Variants in BROX observed in about 807,000 individuals in gnomAD.
BROX encodes the protein BRO1 domain and CAAX motif containing.
A neutral mutation model predicts 61.0 loss-of-function variants in BROX; 53 were observed. That is an observed-to-expected ratio of 0.87 (90% confidence interval 0.70 to 1.09). BROX has a LOEUF of 1.09. BROX is among the 50% of genes least tolerant of loss of function. BROX has a pLI of 0.00. For missense variants in BROX, 489 were observed against 472.0 expected, an observed-to-expected ratio of 1.04 and a Z score of -0.33; for synonymous variants, 152 against 160.2, an observed-to-expected ratio of 0.95 and a Z score of 0.38.
Position 222,722,518 on chromosome 1 carries a change from A to G in BROX, c.401+4A>G. The G allele has an allele frequency of 6.4e-7, 1 of 1,570,588 alleles. No homozygotes were observed. Among genetic ancestry groups the G allele is most frequent in the South Asian group, 1.1e-5 (1 of 90,108 alleles). ...CAAGACTGGCTGGAAAAGAAAAGTA[A>G]GTTAATAGGAGAGGATTGTGTACAT... On this transcript the variant is annotated splice_donor_region_variant and intron_variant, in intron 5 of 12. Transcript: ENST00000340934.
Position 222,719,206 on chromosome 1 carries a change from A to T in BROX, c.209-57A>T. 2.9e-6 allele frequency: 4 copies of T among 1,387,456 alleles called. No homozygotes were observed. The South Asian group carries it at 4.9e-5, about 17-fold the overall frequency. The allele number at this position is 1,387,456 out of a possible 1,614,324, so 85.9% of individuals were successfully genotyped here. A position where few individuals can be genotyped will look rare whatever the true frequency, so the allele number is the denominator to read the frequency against. ...TAATCTGAAAATTTTTCCAAACAGA[A>T]CACTCAATATTTCTTCTAATTCTTC... On this transcript the variant is annotated intron_variant, in intron 3 of 12. Coordinates refer to ENST00000340934, the MANE Select transcript of BROX (RefSeq NM_144695.4).
intron 6 of BROX, among the ~76,000 whole-genome samples, chr1:222,724,520 T>C (rs1657354930): frequency 6.6e-6 from 1 of 152,234 alleles, no homozygotes. Flanking sequence ...GTCCTGATTC[T>C]GCAAAACTGA....
At chr1:222,731,577 T>C in intron 12 of BROX, 61 bp downstream of exon 12, 1 of 1,512,738 alleles carries the variant, frequency 6.6e-7, no homozygotes, top group South Asian at 1.2e-5. Context: ...AATTCAGAGT[T>C]AGCATTTTGA....
At chr1:222,721,789 GC>G (rs1656495744) in intron 4 of BROX, among the ~76,000 whole-genome samples, 1 of 151,912 alleles carries the variant, frequency 6.6e-6, no homozygotes, top group South Asian at 2.1e-4. Context: ...CTTGCTTTTT[GC>G]CCTTCTTTTC....
Position 222,733,864 on chromosome 1 carries a change from A to G in BROX, c.*1150A>G, listed in dbSNP as rs1008801004. Reference sequence around the variant, plus strand: ...AAATATTGCATGATGTAAAGAAAAAACTTTAAACTTAAATGAGTAGGTTGT... The same window carrying G: ...AAATATTGCATGATGTAAAGAAAAAGCTTTAAACTTAAATGAGTAGGTTGT... On this transcript the variant is annotated 3_prime_UTR_variant, in exon 13 of 13. Transcript: ENST00000340934. 3 of 152,212 alleles carry G rather than the reference A, an allele frequency of 2.0e-5. No individual in the cohort carries two copies. The highest frequency in any genetic ancestry group is 7.2e-5 in the African/African-American group (3 of 41,448). The allele number at this position is 152,212 out of a possible 1,614,324, so 9.4% of individuals were successfully genotyped here. A position where few individuals can be genotyped will look rare whatever the true frequency, so the allele number is the denominator to read the frequency against.
At chr1:222,722,994 A>C (rs1657211868) in intron 5 of BROX, among the ~76,000 whole-genome samples, 2 of 152,244 alleles carry the variant, frequency 1.3e-5, no homozygotes, top group South Asian at 4.1e-4. Context: ...TTGCAGGATT[A>C]AATAATTATA....
intron 4 of BROX, among the ~76,000 whole-genome samples, chr1:222,721,843 T>A (rs999950807): frequency 6.6e-6 from 1 of 152,176 alleles, no homozygotes; most frequent in Non-Finnish European, 1.5e-5. Context: ...GTCAAGCTCA[T>A]TGGGTCACTT....
rs1001763014 is a variant in BROX at position 222,733,725 on chromosome 1, G to T, written c.*1011G>T. The T allele has an allele frequency of 1.3e-5, 2 of 152,146 alleles. No homozygotes were observed. Among genetic ancestry groups the T allele is most frequent in the Admixed American group, 1.3e-4 (2 of 15,268 alleles). The allele number at this position is 152,146 out of a possible 1,614,324, so 9.4% of individuals were successfully genotyped here. A position where few individuals can be genotyped will look rare whatever the true frequency, so the allele number is the denominator to read the frequency against. On this transcript the variant is annotated 3_prime_UTR_variant, in exon 13 of 13. Transcript: ENST00000340934. ...CATTCAGTATCAGTAACCCTGCAAT[G>T]ATTTTTACAAATATCTTTTTCTAGT... is the stretch of plus-strand genomic sequence containing the variant.
intron 9 of BROX, among the ~76,000 whole-genome samples, chr1:222,729,281 A>G (rs1657757660): frequency 6.6e-6 from 1 of 152,202 alleles, no homozygotes; most frequent in African/African-American, 2.4e-5. Context: ...AGAGATCATC[A>G]GAAACCTTTT....
Position 222,719,363 on chromosome 1 carries a change from A to G in BROX, c.305+4A>G, listed in dbSNP as rs549485014. ...CATTGCAAGGACAGGTTCCAAGGTA[A>G]GCAACACTAAAGTAATACTAAATTG... On this transcript the variant is annotated splice_donor_region_variant and intron_variant, in intron 4 of 12. Transcript: ENST00000340934. 64 of 1,585,372 alleles carry G rather than the reference A, an allele frequency of 4.0e-5. No individual in the cohort carries two copies. Among genetic ancestry groups the G allele is most frequent in the Middle Eastern group, 3.3e-4 (2 of 5,992 alleles).
chr1:222,725,865 C>G (rs1246893987), intron 7 of BROX, among the ~76,000 whole-genome samples: 1 of 152,154 alleles, frequency 6.6e-6, no homozygotes, highest in African/African-American at 2.4e-5. Flanking sequence ...AAGGCAAGAC[C>G]GTGCCACTGC....
At chr1:222,714,829 C>G (rs1262801503) in intron 1 of BROX, among the ~76,000 whole-genome samples, 4 of 152,138 alleles carry the variant, frequency 2.6e-5, no homozygotes, top group Admixed American at 6.5e-5. Context: ...ATCCACCCAC[C>G]TCGGCCTTCC....
rs555221870 is a variant in BROX at position 222,730,012 on chromosome 1, C to T, written c.839-15C>T. The stretch of plus-strand genomic sequence containing the variant: ...TAATTATAATCAAAAGACTTTAAAT[C>T]TCTTTCACATGCAGTGTATGCAAAG... On this transcript the variant is annotated splice_polypyrimidine_tract_variant and intron_variant, in intron 10 of 12. Coordinates refer to ENST00000340934, the MANE Select transcript of BROX (RefSeq NM_144695.4). 1 of 1,585,920 alleles carries T rather than the reference C, an allele frequency of 6.3e-7. No individual in the cohort carries two copies.
chr1:222,727,185 A>C lies in BROX; in HGVS notation c.598A>C (p.Ile200Leu), dbSNP rs749849840. Residue 200 changes from isoleucine (I) to leucine (L), a missense_variant, in exon 8 of 13, where the codon ATT (isoleucine) becomes CTT (leucine). Coordinates refer to ENST00000340934, the MANE Select transcript of BROX (RefSeq NM_144695.4). The part of the protein sequence containing the change: ...EAQEVTIARA[I>L]ELKHAPGLIA... Reference sequence around the variant, plus strand: ...GGTTACAGTAACAATTGCTCGAGCAATTGAACTAAAACATGCTCCTGGACT... The same window carrying C: ...GGTTACAGTAACAATTGCTCGAGCACTTGAACTAAAACATGCTCCTGGACT... 2.5e-6 allele frequency: 4 copies of C among 1,612,738 alleles called. No homozygotes were observed. Among genetic ancestry groups the C allele is most frequent in the Non-Finnish European group, 3.4e-6 (4 of 1,179,248 alleles).
chr1:222,726,131 C>T (rs1165767084), intron 7 of BROX, among the ~76,000 whole-genome samples: 1 of 152,220 alleles, frequency 6.6e-6, no homozygotes, highest in Non-Finnish European at 1.5e-5. Context: ...TTTCTCTCTA[C>T]TGTGCTCATT....
At chr1:222,722,581 T>A in intron 5 of BROX, 67 bp downstream of exon 5, 1 of 1,124,312 alleles carries the variant, frequency 8.9e-7, no homozygotes, top group Non-Finnish European at 1.3e-6. Context: ...TTCATTATTT[T>A]AAAAATCTAT....
At position 222,733,063 on chromosome 1, in the gene BROX, C is replaced by CTTTTTTTTTTTCTTTTTTTTTT. The variant is rs1658058998; in HGVS notation, c.*360_*361insCTTTTTTTTTTTTTTTTTTTTT. ...AGGTATGTTTTTCTTTTTTCTTTTT[C>CTTTTTTTTTTTCTTTTTTTTTT]TTTTTTTTTTTTCTTTTTTTTTTTT... On this transcript the variant is annotated 3_prime_UTR_variant, in exon 13 of 13. Coordinates refer to ENST00000340934, the MANE Select transcript of BROX (RefSeq NM_144695.4). The CTTTTTTTTTTTCTTTTTTTTTT allele has an allele frequency of 9.5e-6, 1 of 104,886 alleles. No individual in the cohort carries two copies. The highest frequency in any genetic ancestry group is 2.0e-5 in the Non-Finnish European group (1 of 50,786). The allele number at this position is 104,886 out of a possible 1,614,324, so 6.5% of individuals were successfully genotyped here. A position where few individuals can be genotyped will look rare whatever the true frequency, so the allele number is the denominator to read the frequency against.
intron 2 of BROX, among the ~76,000 whole-genome samples, chr1:222,718,270 TG>T (rs915900375): frequency 1.3e-5 from 2 of 152,170 alleles, no homozygotes; most frequent in Non-Finnish European, 2.9e-5. Context: ...AAGGAAAAGG[TG>T]GATCTATAAC....
In BROX at chr1:222,718,948, G is replaced by A. The variant is rs939085791; in HGVS notation, c.125G>A (p.Arg42Gln). Reference protein sequence around the residue: ...ICNDLRSSRARLLELFTDLSC... With the variant: ...ICNDLRSSRAQLLELFTDLSC... ...AGTGACTTGAGGTCATCCAGGGCAC[G>A]ACTCCTTGAACTGTTCACTGATTTG... is the stretch of plus-strand genomic sequence containing the variant. The change falls in exon 3 of 13, where the codon CGA (arginine) becomes CAA (glutamine). Residue 42 changes from arginine to glutamine, a missense_variant. Coordinates refer to ENST00000340934, the MANE Select transcript of BROX (RefSeq NM_144695.4). 8.1e-6 allele frequency: 13 copies of A among 1,613,618 alleles called. No homozygotes were observed. The highest frequency in any genetic ancestry group is 8.0e-5 in the African/African-American group (6 of 74,866).
Sources: allele counts gnomAD v4.1 joint callset (sites outside exome capture counted in the v4.1 genomes callset), GRCh38; gene constraint gnomAD v4.1.1; transcripts MANE v1.5; gene names NCBI Gene and HGNC (gene_info 2026-07-23, HGNC 2026-07-21).